ABCD4: variants seen among roughly 807,000 people sequenced by gnomAD.
The protein encoded by ABCD4 is ATP binding cassette subfamily D member 4.
ABCD4 carries 53 observed loss-of-function variants against 86.3 expected under a neutral mutation model. That is an observed-to-expected ratio of 0.61 (90% CI 0.49 to 0.77). The LOEUF (loss-of-function observed/expected upper bound fraction) is 0.77. Among genes scored for constraint, ABCD4 ranks in the 30% least tolerant of loss-of-function variants. ABCD4 has a pLI of 0.00. For synonymous variants in ABCD4, 328 were observed against 313.6 expected (o/e 1.05, Z -0.49); for missense variants, 757 against 764.5 (o/e 0.99, Z 0.12).
At chr14:74,291,245 C>G (rs1287297503) in intron 11 of ABCD4, among the ~76,000 whole-genome samples, 1 of 152,210 alleles carries the variant, frequency 6.6e-6, no homozygotes, top group Non-Finnish European at 1.5e-5. Flanking sequence ...TTGTGGTTTT[C>G]TGTCATGGCA....
Position 74,295,977 on chromosome 14 carries a change from G to A in ABCD4, c.545C>T (p.Thr182Ile), listed in dbSNP as rs1033701777. Residue 182 changes from threonine to isoleucine, a missense_variant and splice_region_variant, in exon 6 of 19, where the codon ACA (threonine) becomes ATA (isoleucine). By Grantham distance (89) the Thr-to-Ile change is moderately conservative. Coordinates refer to ENST00000356924, the MANE Select transcript of ABCD4 (RefSeq NM_005050.4). ...GATGCTCACAGGCCCGAGCCAGCCT[G>A]TGCTGAAATAGAGAGAGAGGGAGAG... The part of the protein sequence containing the change: ...VYYTYQCFQS[T>I]GWLGPVSIFG... 1.2e-6 allele frequency: 2 copies of A among 1,603,786 alleles called. No individual in the cohort carries two copies. Among genetic ancestry groups the A allele is most frequent in the Non-Finnish European group, 1.7e-6 (2 of 1,177,224 alleles).
Position 74,288,697 on chromosome 14 carries a change from G to A in ABCD4, c.1506+19C>T. On this transcript the variant is annotated intron_variant, in intron 15 of 18. Coordinates refer to ENST00000356924, the MANE Select transcript of ABCD4 (RefSeq NM_005050.4). ...CTCCCAGGTGGGCTCGGGTCCTGAG[G>A]GTCCCTCTCCCCACTTACCAGGCCT... 6.2e-7 allele frequency: 1 copy of A among 1,612,620 alleles called. No homozygotes were observed. The highest frequency in any genetic ancestry group is 8.5e-7 in the Non-Finnish European group (1 of 1,179,448).
At chr14:74,288,833 G>A (rs1013873103) in intron 14 of ABCD4, 68 bp from the exon 15 acceptor site, 6 of 1,574,462 alleles carry the variant, frequency 3.8e-6, no homozygotes, top group Non-Finnish European at 5.2e-6. Context: ...ACAGGGCAAG[G>A]CTGTGCACAG....
chr14:74,295,460 C>T (rs1033597028), intron 6 of ABCD4, among the ~76,000 whole-genome samples: 2 of 152,194 alleles, frequency 1.3e-5, no homozygotes, highest in African/African-American at 4.8e-5. Flanking sequence ...GCATCTCCTC[C>T]TCCCAGGGCC....
At chr14:74,286,903 G>A (rs981371050) in intron 17 of ABCD4, 87 bp from the exon 18 acceptor site, 21 of 1,265,820 alleles carry the variant, frequency 1.7e-5, no homozygotes, top group Admixed American at 1.1e-4. Context: ...AACCCCAGCT[G>A]GGACCCAGGG....
chr14:74,290,349 C>A lies in ABCD4; in HGVS notation c.1269G>T (p.Thr423=). The A allele has an allele frequency of 1.2e-6, 2 of 1,614,150 alleles. No individual in the cohort carries two copies. The highest frequency in any genetic ancestry group is 1.7e-6 in the Non-Finnish European group (2 of 1,180,028). The change falls in exon 12 of 19, where the codon ACG becomes ACT. Residue 423 remains threonine (T), a synonymous_variant. Transcript: ENST00000356924. The part of the protein sequence containing the change: ...EGQSLLITGN[T]GTGKTSLLRV... ...GGAGCAAGGAGGTCTTGCCAGTGCCCGTGTTGCCTGTGATGAGCAGGCTCT... is the reference window on the plus strand; with the variant it reads ...GGAGCAAGGAGGTCTTGCCAGTGCCAGTGTTGCCTGTGATGAGCAGGCTCT...
At position 74,293,167 on chromosome 14, in the gene ABCD4, C is replaced by G. The variant is rs1566959741; in HGVS notation, c.801G>C (p.Glu267Asp). The change falls in exon 8 of 19, where the codon GAG (glutamate) becomes GAC (aspartate). Residue 267 changes from glutamate to aspartate, a missense_variant. Transcript: ENST00000356924. The part of the protein sequence containing the change: ...LQTQRELMSK[E>D]LWLYIGINTF... The stretch of plus-strand genomic sequence containing the variant: ...CCCCTCGCCTACTGTACAGCCAGAG[C>G]TCCTTGGACATCAGCTCCCTCTGGG... The G allele has an allele frequency of 1.2e-6, 2 of 1,614,112 alleles. No homozygotes were observed. The highest frequency in any genetic ancestry group is 2.2e-5 in the East Asian group (1 of 44,880).
Position 74,293,228 on chromosome 14 carries a change from A to C in ABCD4, c.740T>G (p.Met247Arg). 1 of 1,613,998 alleles carries C rather than the reference A, an allele frequency of 6.2e-7. No homozygotes were observed. Among genetic ancestry groups the C allele is most frequent in the Non-Finnish European group, 8.5e-7 (1 of 1,179,988 alleles). Residue 247 changes from methionine (M) to arginine (R), a missense_variant, in exon 8 of 19, where the codon ATG becomes AGG. Transcript: ENST00000356924. The part of the protein sequence containing the change: ...AFYRAGHVEH[M>R]RTDRRLQRLL... ...TCTCTGCAGCCTGCGGTCTGTCCTC[A>C]TGTGCTCCACATGCCCAGCTCTGAC...
chr14:74,287,276 T>C (rs1268832620), intron 17 of ABCD4, among the ~76,000 whole-genome samples: 1 of 152,130 alleles, frequency 6.6e-6, no homozygotes, highest in Non-Finnish European at 1.5e-5. Flanking sequence ...GAGCTAGGCA[T>C]AGTGGTTCAT....
intron 4 of ABCD4, 198 bp from the exon 5 acceptor site, chr14:74,296,647 G>T (rs2140022543): frequency 1.8e-6 from 1 of 569,444 alleles, no homozygotes; most frequent in Non-Finnish European, 3.1e-6. Context: ...GGGTTCTAGA[G>T]AGTTGCATCT....
intron 17 of ABCD4, 118 bp from the exon 18 acceptor site, chr14:74,286,934 C>T (rs1251843172): frequency 3.4e-6 from 3 of 888,424 alleles, no homozygotes; most frequent in South Asian, 3.4e-5. Flanking sequence ...GCTGCTCTGG[C>T]TTCCAGAAGC....
intron 13 of ABCD4, 24 bp downstream of exon 13, chr14:74,290,003 G>A (rs989363050): frequency 6.2e-7 from 1 of 1,614,032 alleles, no homozygotes; most frequent in Non-Finnish European, 8.5e-7. Flanking sequence ...GGAGGGAGGA[G>A]TGAGCCCCCT....
intron 14 of ABCD4, 112 bp downstream of exon 14, chr14:74,289,371 T>A: frequency 3.3e-6 from 5 of 1,513,380 alleles, no homozygotes; most frequent in Non-Finnish European, 4.4e-6. Flanking sequence ...CTTCCTTGAA[T>A]CAGCGGCCTG....
intron 11 of ABCD4, among the ~76,000 whole-genome samples, chr14:74,291,357 A>G (rs2081444218): frequency 6.6e-6 from 1 of 152,212 alleles, no homozygotes; most frequent in African/African-American, 2.4e-5. Context: ...AATGCCCATG[A>G]GTCTCAAATA....
At position 74,294,711 on chromosome 14, in the gene ABCD4, C is replaced by A. The variant is rs558584493; in HGVS notation, c.719+437G>T. 1.2e-3 allele frequency: 197 copies of A among 169,140 alleles called. 9 individuals are homozygous for A. In the South Asian group the frequency reaches 0.031, roughly 26 times the overall value. 10.5% of individuals were successfully genotyped at this position (169,140 alleles called of 1,614,324 possible). A position where few individuals can be genotyped will look rare whatever the true frequency, so the allele number is the denominator to read the frequency against. Reference sequence around the variant, plus strand: ...AGACCAGACGCTTGGCTCCATTAGACAGCATTGTGGGGAGCAGGTCTCCTG... The same window carrying A: ...AGACCAGACGCTTGGCTCCATTAGAAAGCATTGTGGGGAGCAGGTCTCCTG... On this transcript the variant is annotated intron_variant, in intron 7 of 18. Coordinates refer to ENST00000356924, the MANE Select transcript of ABCD4 (RefSeq NM_005050.4).
chr14:74,298,334 C>T (rs570841376), intron 3 of ABCD4, among the ~76,000 whole-genome samples: 2 of 152,262 alleles, frequency 1.3e-5, no homozygotes, highest in South Asian at 2.1e-4. Context: ...TGCAATGGCG[C>T]GATCTTGGCT....
intron 3 of ABCD4, 121 bp from the exon 4 acceptor site, chr14:74,298,190 C>A: frequency 1.3e-6 from 2 of 1,481,584 alleles, no homozygotes; most frequent in South Asian, 1.4e-5. Context: ...CTGATTACTC[C>A]GTCCACTCAG....
At chr14:74,296,647 G>GC in intron 4 of ABCD4, 198 bp from the exon 5 acceptor site, 1 of 569,428 alleles carries the variant, frequency 1.8e-6, no homozygotes, top group South Asian at 2.1e-5. Flanking sequence ...GGGTTCTAGA[G>GC]AGTTGCATCT....
At chr14:74,296,925 G>T (rs1595012065) in intron 4 of ABCD4, 1 of 153,166 alleles carries the variant, frequency 6.5e-6, no homozygotes, top group African/African-American at 2.4e-5. Flanking sequence ...AGGCAGGATG[G>T]AAGCCATAGC....
Sources: allele counts gnomAD v4.1 joint callset (sites outside exome capture counted in the v4.1 genomes callset), GRCh38; gene constraint gnomAD v4.1.1; transcripts MANE v1.5; gene names NCBI Gene and HGNC (gene_info 2026-07-23, HGNC 2026-07-21).